Variants in CPEB3 observed in about 807,000 individuals in gnomAD.
The protein encoded by CPEB3 is cytoplasmic polyadenylation element binding protein 3, also known as cytoplasmic polyadenylation element-binding protein 3.
In CPEB3, 20 loss-of-function variants were observed where a neutral mutation model predicts 67.2. The ratio of observed to expected loss-of-function variants is 0.30; its 90% CI spans 0.21 to 0.43. The LOEUF (loss-of-function observed/expected upper bound fraction) is 0.43, where lower values mean the gene tolerates loss of function less well. CPEB3 is among the 20% of genes least tolerant of loss of function. The pLI, the probability that CPEB3 is intolerant of heterozygous loss-of-function variation, is 1.00. For synonymous variants in CPEB3, 376 were observed against 393.1 expected, an observed-to-expected ratio of 0.96 and a Z score of 0.51; for missense variants, 746 against 968.6, an observed-to-expected ratio of 0.77 and a Z score of 3.05.
At chr10:92,251,467 A>AAT in intron 1 of CPEB3, among the ~76,000 whole-genome samples, 1 of 152,256 alleles carries the variant, frequency 6.6e-6, no homozygotes. Context: ...AGGATAAGCA[A>AAT]ATAAACAGAA....
intron 3 of CPEB3, among the ~76,000 whole-genome samples, chr10:92,182,850 A>C (rs1848521935): frequency 6.6e-6 from 1 of 150,692 alleles, no homozygotes; most frequent in Non-Finnish European, 1.5e-5. Context: ...AAAAAGAGGC[A>C]GGGAAAAACA....
intron 9 of CPEB3, among the ~76,000 whole-genome samples, chr10:92,057,763 C>T (rs575961430): frequency 2.0e-5 from 3 of 152,088 alleles, no homozygotes; most frequent in Non-Finnish European, 2.9e-5. Flanking sequence ...AGAGACTGTT[C>T]GTTTGGGAAA....
chr10:92,184,759 C>A (rs1848613234), intron 3 of CPEB3, among the ~76,000 whole-genome samples: 1 of 152,068 alleles, frequency 6.6e-6, no homozygotes, highest in African/African-American at 2.4e-5. Flanking sequence ...TTTACCTCTT[C>A]CAAAAGTAAT....
At chr10:92,056,218 C>A (rs559687592) in intron 9 of CPEB3, among the ~76,000 whole-genome samples, 2 of 152,122 alleles carry the variant, frequency 1.3e-5, no homozygotes, top group African/African-American at 4.8e-5. Context: ...ACAAGACACA[C>A]ACCACGATGC....
At position 92,061,664 on chromosome 10, in the gene CPEB3, A is replaced by T. The variant is rs1292489864; in HGVS notation, c.1870-9225T>A. On this transcript the variant is annotated intron_variant, in intron 9 of 9. Coordinates refer to ENST00000265997, the MANE Select transcript of CPEB3 (RefSeq NM_014912.5). ...TGAACTCATGTACATAGAGAGTAGA[A>T]GGATAGGCTGGGAAACGTAGTGGGA... is the stretch of plus-strand genomic sequence containing the variant. Among the ~76,000 whole-genome samples, 20 of 152,304 alleles carry T rather than the reference A, an allele frequency of 1.3e-4. No individual in the cohort carries two copies. The East Asian group carries it at 3.9e-3, about 29-fold the overall frequency.
chr10:92,271,727 G>A (rs1033407769), intron 1 of CPEB3, among the ~76,000 whole-genome samples: 35 of 152,166 alleles, frequency 2.3e-4, no homozygotes, highest in African/African-American at 7.7e-4. Context: ...TACCAGATTC[G>A]GCCATTGTAA....
At chr10:92,097,292 C>G (rs996274554) in intron 7 of CPEB3, among the ~76,000 whole-genome samples, 1 of 152,258 alleles carries the variant, frequency 6.6e-6, no homozygotes, top group African/African-American at 2.4e-5. Flanking sequence ...ATAAAATTAT[C>G]TGCGGACCAG....
chr10:92,267,944 G>C (rs1022369824), intron 1 of CPEB3, among the ~76,000 whole-genome samples: 1 of 151,976 alleles, frequency 6.6e-6, no homozygotes, highest in South Asian at 2.1e-4. Flanking sequence ...TCCTCCTCCC[G>C]AGTAGCTGGG....
At chr10:92,269,923 A>G (rs1015247583) in intron 1 of CPEB3, among the ~76,000 whole-genome samples, 3 of 151,838 alleles carry the variant, frequency 2.0e-5, no homozygotes, top group African/African-American at 7.3e-5. Flanking sequence ...CGGTGATACG[A>G]CAGAAAAGGA....
At chr10:92,215,808 G>T (rs1279235745) in intron 2 of CPEB3, among the ~76,000 whole-genome samples, 1 of 147,340 alleles carries the variant, frequency 6.8e-6, no homozygotes, top group Admixed American at 6.9e-5. Flanking sequence ...GAGTGCAGTG[G>T]CACGATCTCG....
At chr10:92,241,194 T>C (rs540603625) in intron 1 of CPEB3, among the ~76,000 whole-genome samples, 1 of 152,280 alleles carries the variant, frequency 6.6e-6, no homozygotes, top group African/African-American at 2.4e-5. Context: ...AAGAGATTTC[T>C]TGGCATCGCA....
At chr10:92,249,171 G>A (rs937124271) in intron 1 of CPEB3, among the ~76,000 whole-genome samples, 13 of 152,186 alleles carry the variant, frequency 8.5e-5, no homozygotes, top group Admixed American at 7.8e-4. Flanking sequence ...GAGGTCAGGA[G>A]ATTGAGACCA....
rs549088585 is a variant in CPEB3 at position 92,073,204 on chromosome 10, A to AT, written c.1869+8115dup. 3.7e-3 allele frequency among the ~76,000 whole-genome samples: 556 copies of AT among 151,642 alleles called. 4 individuals carry two copies. The highest frequency in any genetic ancestry group is 9.5e-3 in the Admixed American group (144 of 15,236). On this transcript the variant is annotated intron_variant, in intron 9 of 9. Coordinates refer to ENST00000265997, the MANE Select transcript of CPEB3 (RefSeq NM_014912.5). ...AGGCATGTGCCACTATGCACTGCTA[A>AT]TTTTTTTTATTTTTTGTAGAGACTG...
chr10:92,151,240 C>A (rs1846952705), intron 4 of CPEB3, among the ~76,000 whole-genome samples: 1 of 152,188 alleles, frequency 6.6e-6, no homozygotes, highest in South Asian at 2.1e-4. Flanking sequence ...CACCTCTGAG[C>A]TCCCACCAAG....
At chr10:92,227,809 T>G (rs1297059476) in intron 2 of CPEB3, among the ~76,000 whole-genome samples, 3 of 152,170 alleles carry the variant, frequency 2.0e-5, no homozygotes, top group Non-Finnish European at 4.4e-5. Context: ...GCCAGGATGG[T>G]CTCGATCTCC....
intron 9 of CPEB3, among the ~76,000 whole-genome samples, chr10:92,080,895 G>A (rs1263533372): frequency 5.9e-5 from 9 of 152,042 alleles, no homozygotes; most frequent in East Asian, 5.8e-4. Flanking sequence ...CACCGCGCCC[G>A]GTCATTTGGC....
intron 2 of CPEB3, among the ~76,000 whole-genome samples, chr10:92,223,877 T>G (rs1157720361): frequency 1.3e-5 from 2 of 151,788 alleles, no homozygotes; most frequent in Non-Finnish European, 2.9e-5. Flanking sequence ...GCCTCCTGAG[T>G]AGCTGGGATT....
intron 7 of CPEB3, among the ~76,000 whole-genome samples, chr10:92,107,033 CAA>C (rs1844504533): frequency 6.6e-6 from 1 of 151,868 alleles, no homozygotes; most frequent in African/African-American, 2.4e-5. Flanking sequence ...CTTTTGTAAC[CAA>C]AGAGGTGTGA....
chr10:92,065,407 G>A (rs1397585655), intron 9 of CPEB3, among the ~76,000 whole-genome samples: 1 of 152,046 alleles, frequency 6.6e-6, no homozygotes, highest in East Asian at 1.9e-4. Flanking sequence ...TTTTAGTAGA[G>A]ATGGGGTTTC....
Sources: gnomAD v4.1 joint callset for allele counts (sites outside exome capture counted in the v4.1 genomes callset) on GRCh38, gnomAD v4.1.1 for gene constraint, MANE v1.5 for transcripts, NCBI Gene and HGNC (gene_info 2026-07-23, HGNC 2026-07-21) for gene names.